Variants in DLAT observed in about 807,000 individuals in gnomAD.
DLAT encodes dihydrolipoyllysine-residue acetyltransferase component of pyruvate dehydrogenase complex, mitochondrial.
Under a neutral mutation model 68.0 loss-of-function variants are expected in DLAT, and 43 were observed. That is an observed-to-expected ratio of 0.63 (90% CI 0.50 to 0.81). DLAT has a LOEUF of 0.81. Among genes scored for constraint, DLAT ranks in the 40% least tolerant of loss-of-function variants. The pLI is 0.00. For synonymous variants in DLAT, 265 were observed against 288.6 expected (o/e 0.92, Z 0.83); for missense variants, 745 against 815.4 (o/e 0.91, Z 1.05).
chr11:112,031,906 T>A (rs1555179992), intron 4 of DLAT, among the ~76,000 whole-genome samples: 2 of 131,898 alleles, frequency 1.5e-5, no homozygotes, highest in African/African-American at 5.8e-5. Flanking sequence ...TTTTTTTTTT[T>A]TTTTTTTTTG....
rs1864707294 is a variant in DLAT at position 112,062,596 on chromosome 11, A to G, written c.*61A>G. 6.4e-7 allele frequency: 1 copy of G among 1,563,908 alleles called. No homozygotes were observed. The highest frequency in any genetic ancestry group is 2.3e-4 in the Middle Eastern group (1 of 4,372). On this transcript the variant is annotated 3_prime_UTR_variant, in exon 14 of 14. Coordinates refer to ENST00000280346, the MANE Select transcript of DLAT (RefSeq NM_001931.5). ...CTGATTCATTCTTAACAAGATATTTATATGTTATTAAACAGGTGGTTCTTT... is the reference window on the plus strand; with the variant it reads ...CTGATTCATTCTTAACAAGATATTTGTATGTTATTAAACAGGTGGTTCTTT...
intron 2 of DLAT, among the ~76,000 whole-genome samples, chr11:112,026,985 C>CG (rs1224561354): frequency 3.5e-4 from 53 of 150,372 alleles, no homozygotes; most frequent in African/African-American, 1.2e-3. Context: ...GCTGGCTGGG[C>CG]GGGGGGCTGG....
Position 112,025,643 on chromosome 11 carries a change from A to C in DLAT, c.171A>C (p.Ala57=). 6.2e-7 allele frequency: 1 copy of C among 1,613,176 alleles called. No individual in the cohort carries two copies. Among genetic ancestry groups the C allele is most frequent in the Non-Finnish European group, 8.5e-7 (1 of 1,179,952 alleles). The stretch of plus-strand genomic sequence containing the variant: ...CTACAGGGTATGGCGGGGTCCGGGC[A>C]CTGTGCGGCTGGACCCCCAGTTCTG... ...SVTTGYGGVR[A]LCGWTPSSGA... Residue 57 remains alanine, a synonymous_variant, in exon 1 of 14, where the codon GCA becomes GCC. Coordinates refer to ENST00000280346, the MANE Select transcript of DLAT (RefSeq NM_001931.5).
chr11:112,052,647 G>A (rs1011356209), intron 11 of DLAT, among the ~76,000 whole-genome samples: 5 of 152,092 alleles, frequency 3.3e-5, no homozygotes, highest in Admixed American at 1.3e-4. Flanking sequence ...TCAGCAACTG[G>A]AAGCTCATTA....
chr11:112,046,570 C>A lies in DLAT; in HGVS notation c.1398+600C>A, dbSNP rs113577341. Among the ~76,000 whole-genome samples, 828 of 152,002 alleles carry A rather than the reference C, an allele frequency of 5.4e-3. 11 individuals carry two copies. The highest frequency in any genetic ancestry group is 0.019 in the African/African-American group (808 of 41,438). On this transcript the variant is annotated intron_variant, in intron 10 of 13. Coordinates refer to ENST00000280346, the MANE Select transcript of DLAT (RefSeq NM_001931.5). ...CATGGTGGTTTGCTGCACCCACCAA[C>A]CCATCATCTACATTAGGTATTTCTC... is the stretch of plus-strand genomic sequence containing the variant.
intron 3 of DLAT, 55 bp from the exon 4 acceptor site, chr11:112,028,736 AC>A: frequency 6.2e-7 from 1 of 1,613,974 alleles, no homozygotes; most frequent in South Asian, 1.1e-5. Context: ...TTTTAAGACT[AC>A]TTTTGTGAAA....
chr11:112,029,788 C>T (rs1435960710), intron 4 of DLAT: 2 of 491,146 alleles, frequency 4.1e-6, no homozygotes, highest in South Asian at 3.3e-5. Flanking sequence ...TTATCTTACT[C>T]AAGAACACCA....
chr11:112,028,762 T>A, intron 3 of DLAT, 30 bp from the exon 4 acceptor site: 1 of 1,614,138 alleles, frequency 6.2e-7, no homozygotes. Flanking sequence ...AATCTGCCCA[T>A]TATATTTATG....
At chr11:112,046,638 C>T (rs1035728910) in intron 10 of DLAT, among the ~76,000 whole-genome samples, 1 of 151,442 alleles carries the variant, frequency 6.6e-6, no homozygotes, top group African/African-American at 2.4e-5. Flanking sequence ...CCCTACAGGT[C>T]CTGGTGTGTG....
chr11:112,025,488 G>A lies in DLAT; in HGVS notation c.16G>A (p.Ala6Thr). 2 of 1,613,426 alleles carry A rather than the reference G, an allele frequency of 1.2e-6. No individual in the cohort carries two copies. Among genetic ancestry groups the A allele is most frequent in the Non-Finnish European group, 1.7e-6 (2 of 1,179,910 alleles). The change falls in exon 1 of 14, where the codon GCG becomes ACG. Residue 6 changes from alanine to threonine, a missense_variant. Physicochemically the swap from Ala to Thr is moderately conservative, Grantham distance 58. Transcript: ENST00000280346. MWRVCARRAQNVAPWA... is the reference protein window; with the variant it reads MWRVCTRRAQNVAPWA... ...TGGTGGCACTATGTGGCGCGTCTGT[G>A]CGCGACGGGCTCAGAATGTAGCCCC...
intron 7 of DLAT, among the ~76,000 whole-genome samples, chr11:112,042,262 C>T (rs1019342111): frequency 1.3e-5 from 2 of 152,222 alleles, no homozygotes; most frequent in African/African-American, 4.8e-5. Flanking sequence ...TTTCAACTAA[C>T]TCCTAAGTCA....
intron 12 of DLAT, among the ~76,000 whole-genome samples, chr11:112,060,446 C>T (rs1482207071): frequency 6.6e-6 from 1 of 151,938 alleles, no homozygotes; most frequent in Non-Finnish European, 1.5e-5. Flanking sequence ...AGGCATGAGC[C>T]ACCACGCCCA....
At chr11:112,026,103 C>T in intron 1 of DLAT, 95 bp from the exon 2 acceptor site, 1 of 1,012,206 alleles carries the variant, frequency 9.9e-7, no homozygotes, top group Non-Finnish European at 1.5e-6. Context: ...GAACTGTATA[C>T]ACTTTGCATG....
At chr11:112,059,011 A>G (rs1864334642) in intron 11 of DLAT, among the ~76,000 whole-genome samples, 1 of 152,124 alleles carries the variant, frequency 6.6e-6, no homozygotes, top group Non-Finnish European at 1.5e-5. Context: ...TTCTGTAGAA[A>G]AGATTGGGAC....
At chr11:112,041,881 C>T (rs58400322) in intron 7 of DLAT, among the ~76,000 whole-genome samples, 1,494 of 138,356 alleles carry the variant, frequency 0.011, 44 homozygotes, top group African/African-American at 0.039. Context: ...GACTCCGTCT[C>T]AAAGAAAAAA....
intron 7 of DLAT, among the ~76,000 whole-genome samples, chr11:112,041,521 T>A (rs1215719181): frequency 2.0e-5 from 3 of 152,180 alleles, no homozygotes; most frequent in African/African-American, 7.2e-5. Flanking sequence ...AAGATCATTT[T>A]GGATAGAGAG....
At chr11:112,058,405 G>A (rs1387344116) in intron 11 of DLAT, among the ~76,000 whole-genome samples, 1 of 152,130 alleles carries the variant, frequency 6.6e-6, no homozygotes, top group African/African-American at 2.4e-5. Context: ...GCCAACTTAG[G>A]CAAATTGGGG....
rs782128609 is a variant in DLAT, at chr11:112,045,135, T to A, written c.1198-3T>A. 1.2e-6 allele frequency: 2 copies of A among 1,613,324 alleles called. No homozygotes were observed. Among genetic ancestry groups the A allele is most frequent in the South Asian group, 2.2e-5 (2 of 91,064 alleles). ...ACTAAGAGCTTTTTCTTTCCTCCCA[T>A]AGGCTCCGGCAGCTGTTGTGCCTCC... is the stretch of plus-strand genomic sequence containing the variant. On this transcript the variant is annotated splice_polypyrimidine_tract_variant and splice_region_variant and intron_variant, in intron 8 of 13. Transcript: ENST00000280346.
chr11:112,028,473 A>C (rs1862209560), intron 2 of DLAT, 42 bp from the exon 3 acceptor site: 4 of 1,606,850 alleles, frequency 2.5e-6, no homozygotes, highest in Admixed American at 3.3e-5. Flanking sequence ...TAAATTACAT[A>C]CCAACAGTAC....
Sources: allele counts gnomAD v4.1 joint callset (sites outside exome capture counted in the v4.1 genomes callset), GRCh38; gene constraint gnomAD v4.1.1; transcripts MANE v1.5; gene names NCBI Gene and HGNC (gene_info 2026-07-23, HGNC 2026-07-21).